The following PIGG variants were observed in gnomAD, a reference collection of about 807,000 sequenced individuals.
PIGG encodes the protein phosphatidylinositol glycan anchor biosynthesis class G (EMM blood group), also known as GPI ethanolamine phosphate transferase 2, catalytic subunit.
PIGG carries 70 observed loss-of-function variants against 83.2 expected under a neutral mutation model. That is an observed-to-expected ratio of 0.84 (90% CI 0.69 to 1.03). The LOEUF (loss-of-function observed/expected upper bound fraction) is 1.03, where lower values mean the gene tolerates loss of function less well. PIGG is among the 50% of genes least tolerant of loss of function. PIGG has a pLI of 0.00. For synonymous variants in PIGG, 532 were observed against 519.5 expected (o/e 1.02, Z -0.33); for missense variants, 1,257 against 1,233.6 (o/e 1.02, Z -0.28).
chr4:530,081 G>A lies in PIGG; in HGVS notation c.2262-355G>A, dbSNP rs185516098. Among the ~76,000 whole-genome samples, 230 of 152,282 alleles carry A rather than the reference G, an allele frequency of 1.5e-3. 2 individuals carry two copies. Among genetic ancestry groups the A allele is most frequent in the Non-Finnish European group, 1.2e-3 (84 of 68,028 alleles). On this transcript the variant is annotated intron_variant, in intron 10 of 12. Transcript: ENST00000453061. ...TTAGAGTTGACTCTTATACTAGTGC[G>A]TTGGGTTTTTTTTAATTAACTGCAA...
chr4:514,619 CAGAA>C (rs1723244500), intron 5 of PIGG, among the ~76,000 whole-genome samples: 1 of 152,152 alleles, frequency 6.6e-6, no homozygotes. Flanking sequence ...TGTTTCTAGA[CAGAA>C]AGAAGAAATT....
Position 527,062 on chromosome 4 carries a change from C to G in PIGG, c.2093C>G (p.Ser698Cys), listed in dbSNP as rs756075731. The G allele has an allele frequency of 6.2e-7, 1 of 1,614,164 alleles. No individual in the cohort carries two copies. The highest frequency in any genetic ancestry group is 1.7e-5 in the Admixed American group (1 of 60,030). Residue 698 changes from serine (S) to cysteine (C), a missense_variant, in exon 10 of 13, where the codon TCT becomes TGT. By Grantham distance (112) the Ser-to-Cys change is moderately radical. Coordinates refer to ENST00000453061, the MANE Select transcript of PIGG (RefSeq NM_001127178.3). ...AGCTCTGACCACAAAGCCGAGCTCT[C>G]TGTCCTGGCTGCCCTCTCCCTCCTC... ...LTSSDHKAELSVLAALSLLVV... is the reference protein window; with the variant it reads ...LTSSDHKAELCVLAALSLLVV...
At position 507,419 on chromosome 4, in the gene PIGG, C is replaced by T; in HGVS notation, c.585C>T (p.Val195=). The T allele has an allele frequency of 1.9e-6, 3 of 1,611,264 alleles. No individual in the cohort carries two copies. The highest frequency in any genetic ancestry group is 2.5e-6 in the Non-Finnish European group (3 of 1,177,982). The change falls in exon 4 of 13, where the codon GTC becomes GTT. Residue 195 remains valine (V), a synonymous_variant. Coordinates refer to ENST00000453061, the MANE Select transcript of PIGG (RefSeq NM_001127178.3). The part of the protein sequence containing the change: ...VSDYTEVDNN[V]TRHLDKVLKR... ...CCCCTTCAAAGGTGGATAATAATGT[C>T]ACGAGGCATTTGGATAAAGTATTAA...
At chr4:535,550 G>A (rs1450757547) in intron 12 of PIGG, among the ~76,000 whole-genome samples, 1 of 144,930 alleles carries the variant, frequency 6.9e-6, no homozygotes, top group East Asian at 2.1e-4. Context: ...GGTGACCGGA[G>A]GCCCCAGTCC....
intron 6 of PIGG, among the ~76,000 whole-genome samples, chr4:520,319 G>A (rs1725392275): frequency 6.6e-6 from 1 of 152,228 alleles, no homozygotes; most frequent in African/African-American, 2.4e-5. Flanking sequence ...AGAGGCTCAC[G>A]CATCAGCCAG....
At chr4:508,738 A>G (rs2108813971) in intron 4 of PIGG, 91 bp from the exon 5 acceptor site, 1 of 1,157,474 alleles carries the variant, frequency 8.6e-7, no homozygotes, top group South Asian at 1.4e-5. Context: ...ACAACTCTAT[A>G]AAGTAAAGCT....
At chr4:538,314 TC>T (rs71654588) in intron 12 of PIGG, among the ~76,000 whole-genome samples, 28,399 of 152,070 alleles carry the variant, frequency 0.19, 3,189 homozygotes, top group African/African-American at 0.32. Context: ...GTTGGTGGTT[TC>T]AAAACTAGGG....
At chr4:527,017 G>A in intron 9 of PIGG, 22 bp from the exon 10 acceptor site, 1 of 1,613,948 alleles carries the variant, frequency 6.2e-7, no homozygotes. Context: ...ACGTAATGCT[G>A]GCATTTTCCA....
In PIGG at chr4:523,896, C is replaced by T. The variant is rs1178382713; in HGVS notation, c.2052C>T (p.Leu684=). ...TGVQWAHRPD[L]GHWLTSSDHK... ...TGCAGTGGGCTCACCGGCCTGACCT[C>T]GGCCACTGGCTCACCAGGTGAGAGC... Residue 684 remains leucine (L), a synonymous_variant, in exon 9 of 13, where the codon CTC becomes CTT. Coordinates refer to ENST00000453061, the MANE Select transcript of PIGG (RefSeq NM_001127178.3). 14 of 1,530,334 alleles carry T rather than the reference C, an allele frequency of 9.1e-6. No homozygotes were observed. The highest frequency in any genetic ancestry group is 4.8e-5 in the South Asian group (4 of 82,880). 94.8% of individuals were successfully genotyped at this position (1,530,334 alleles called of 1,614,324 possible).
At chr4:527,788 C>T (rs1044989543) in intron 10 of PIGG, 1 of 985,296 alleles carries the variant, frequency 1.0e-6, no homozygotes. Context: ...TGTGTCAAAG[C>T]AACTGTGTTT....
rs1474266664 is a variant in PIGG at position 540,124 on chromosome 4, A to G, written c.*755A>G. ...GGCTGCAGTGAGCCATGATTGTACC[A>G]CTGTACTCCAGCCAGGACAACAGAG... On this transcript the variant is annotated 3_prime_UTR_variant, in exon 13 of 13. Transcript: ENST00000453061. 1 of 152,206 alleles carries G rather than the reference A, an allele frequency of 6.6e-6. No individual in the cohort carries two copies. The highest frequency in any genetic ancestry group is 2.4e-5 in the African/African-American group (1 of 41,426). The allele number at this position is 152,206 out of a possible 1,614,324, so 9.4% of individuals were successfully genotyped here.
In PIGG at chr4:527,218, A is replaced by G. The variant is rs1383090563; in HGVS notation, c.2249A>G (p.Lys750Arg). 4 of 1,593,384 alleles carry G rather than the reference A, an allele frequency of 2.5e-6. No homozygotes were observed. In the African/African-American group the frequency reaches 4.0e-5, roughly 16 times the overall value. ...SVRFPWRPDS[K>R]DISKGIIEAR... ...CGGTTCCCGTGGCGGCCGGACAGCA[A>G]GGACATTTCCAAGTAAGTGCGTGGC... The change falls in exon 10 of 13, where the codon AAG becomes AGG. Residue 750 changes from lysine to arginine, a missense_variant. Lys to Arg is a conservative substitution (Grantham distance 26). Transcript: ENST00000453061.
Position 500,572 on chromosome 4 carries a change from C to G in PIGG, c.331C>G (p.Pro111Ala), listed in dbSNP as rs782363766. The stretch of plus-strand genomic sequence containing the variant: ...TCACAGTTTTGTGGCTGAAGCAAAG[C>G]CACCTACAGTTACTATGCCTCGAAT... Reference protein sequence around the residue: ...ASHSFVAEAKPPTVTMPRIKA... With the variant: ...ASHSFVAEAKAPTVTMPRIKA... Residue 111 changes from proline (P) to alanine (A), a missense_variant, in exon 2 of 13, where the codon CCA (proline) becomes GCA (alanine). By Grantham distance (27) the Pro-to-Ala change is conservative (BLOSUM62 -1). Coordinates refer to ENST00000453061, the MANE Select transcript of PIGG (RefSeq NM_001127178.3). The G allele has an allele frequency of 1.2e-6, 2 of 1,610,530 alleles. No homozygotes were observed. Among genetic ancestry groups the G allele is most frequent in the Admixed American group, 3.3e-5 (2 of 60,024 alleles).
intron 9 of PIGG, chr4:525,925 G>C (rs561312211): frequency 6.6e-6 from 1 of 152,240 alleles, no homozygotes; most frequent in African/African-American, 2.4e-5. Flanking sequence ...TAGAGCAGCC[G>C]GGTGTGTCAG....
In PIGG at chr4:505,890, A is replaced by T; in HGVS notation, c.533A>T (p.Asp178Val). The change falls in exon 3 of 13, where the codon GAT (aspartate) becomes GTT (valine). Residue 178 changes from aspartate (D) to valine (V), a missense_variant. Asp to Val is a radical substitution (Grantham distance 152). Transcript: ENST00000453061. ...TTCCCAAAGCATTTTGTGGAATATG[A>T]TGGAACAACCTCATTTTTCGTGTCA... ...KLFPKHFVEYDGTTSFFVSDY... is the reference protein window; with the variant it reads ...KLFPKHFVEYVGTTSFFVSDY... The T allele has an allele frequency of 6.2e-7, 1 of 1,613,176 alleles. No individual in the cohort carries two copies. The highest frequency in any genetic ancestry group is 1.1e-5 in the South Asian group (1 of 91,012).
intron 7 of PIGG, 71 bp downstream of exon 7, chr4:521,344 TTAAA>T: frequency 1.1e-6 from 1 of 935,752 alleles, no homozygotes; most frequent in Admixed American, 2.6e-5. Context: ...ATTTATAGTT[TTAAA>T]TATATATATA....
chr4:520,902 C>T, intron 6 of PIGG, 154 bp from the exon 7 acceptor site: 2 of 628,168 alleles, frequency 3.2e-6, no homozygotes, highest in African/African-American at 1.8e-5. Context: ...GCAGACCCCC[C>T]ACCCAAAGGA....
chr4:535,988 G>A (rs1730491446), intron 12 of PIGG, among the ~76,000 whole-genome samples: 1 of 152,198 alleles, frequency 6.6e-6, no homozygotes, highest in Admixed American at 6.5e-5. Context: ...GGACATGCGG[G>A]CAGGGCCCAC....
At chr4:535,775 G>C (rs1215523036) in intron 12 of PIGG, among the ~76,000 whole-genome samples, 1 of 152,100 alleles carries the variant, frequency 6.6e-6, no homozygotes, top group African/African-American at 2.4e-5. Context: ...CCGCCCTCTG[G>C]CTTCTGCTCC....
Sources: allele counts gnomAD v4.1 joint callset (sites outside exome capture counted in the v4.1 genomes callset), GRCh38; gene constraint gnomAD v4.1.1; transcripts MANE v1.5; gene names NCBI Gene and HGNC (gene_info 2026-07-23, HGNC 2026-07-21).